Variants in DNAJC6 observed in about 807,000 individuals in gnomAD.
The protein encoded by DNAJC6 is DnaJ heat shock protein family (Hsp40) member C6.
A neutral mutation model predicts 110.0 loss-of-function variants in DNAJC6; 34 were observed. The ratio of observed to expected loss-of-function variants is 0.31; its 90% CI spans 0.24 to 0.41. The LOEUF (loss-of-function observed/expected upper bound fraction) is 0.41, where lower values mean the gene tolerates loss of function less well. Among genes scored for constraint, DNAJC6 ranks in the 10% least tolerant of loss-of-function variants. The pLI, the probability that DNAJC6 is intolerant of heterozygous loss-of-function variation, is 1.00. For missense variants in DNAJC6, 1,031 were observed against 1,207.8 expected, an observed-to-expected ratio of 0.85 and a Z score of 2.17; for synonymous variants, 406 against 437.2, an observed-to-expected ratio of 0.93 and a Z score of 0.89.
intron 1 of DNAJC6, among the ~76,000 whole-genome samples, chr1:65,284,969 T>G (rs942973255): frequency 6.6e-6 from 1 of 152,206 alleles, no homozygotes; most frequent in East Asian, 1.9e-4. Context: ...ATTACAGGCA[T>G]GAGCCACTGC....
At chr1:65,379,181 A>G (rs1645794458) in intron 4 of DNAJC6, among the ~76,000 whole-genome samples, 1 of 152,234 alleles carries the variant, frequency 6.6e-6, no homozygotes. Flanking sequence ...ATGTGCTTCA[A>G]AATGTGTTTT....
chr1:65,340,789 A>G (rs1245219189), intron 1 of DNAJC6, among the ~76,000 whole-genome samples: 1 of 152,182 alleles, frequency 6.6e-6, no homozygotes, highest in Non-Finnish European at 1.5e-5. Context: ...GTCCTCTGTC[A>G]CACAGTGTGG....
intron 1 of DNAJC6, among the ~76,000 whole-genome samples, chr1:65,319,167 T>C (rs538580610): frequency 2.0e-4 from 30 of 152,170 alleles, no homozygotes; most frequent in Non-Finnish European, 3.7e-4. Flanking sequence ...GAAGGTAGTA[T>C]TTCTAGTCTC....
intron 8 of DNAJC6, among the ~76,000 whole-genome samples, chr1:65,387,556 C>A (rs1645884988): frequency 6.6e-6 from 1 of 152,162 alleles, no homozygotes. Flanking sequence ...CAATATGTGG[C>A]CTTTTGAGGC....
intron 1 of DNAJC6, among the ~76,000 whole-genome samples, chr1:65,345,397 G>T (rs577365179): frequency 6.6e-6 from 1 of 151,982 alleles, no homozygotes; most frequent in Admixed American, 6.6e-5. Flanking sequence ...TTTAATCATC[G>T]TATACATGGG....
intron 4 of DNAJC6, among the ~76,000 whole-genome samples, chr1:65,375,145 G>A (rs1645749008): frequency 1.3e-5 from 2 of 151,806 alleles, no homozygotes; most frequent in South Asian, 4.2e-4. Context: ...TGTATTTTTG[G>A]TAGAGACGGG....
At chr1:65,306,317 G>C (rs1304886116), upstream of DNAJC6, 1 of 152,184 alleles carries the variant, frequency 6.6e-6, no homozygotes, top group African/African-American at 2.4e-5. Context: ...AAAGTGCCAG[G>C]ACCACAGGTG....
rs181060481 is a variant in DNAJC6, at chr1:65,413,754, C to T, written c.*729C>T. The T allele has an allele frequency of 9.7e-4, 148 of 152,312 alleles. 1 individual carries two copies. Among genetic ancestry groups the T allele is most frequent in the African/African-American group, 3.2e-3 (133 of 41,560 alleles). 9.4% of individuals were successfully genotyped at this position (152,312 alleles called of 1,614,324 possible). ...CTGGTTAGGAAGGTGGGCCGCTACCCTTCTTTCCCTTTAGAAAACTGTGAT... is the reference window on the plus strand; with the variant it reads ...CTGGTTAGGAAGGTGGGCCGCTACCTTTCTTTCCCTTTAGAAAACTGTGAT... On this transcript the variant is annotated 3_prime_UTR_variant, in exon 19 of 19. Transcript: ENST00000371069.
Position 65,345,706 on chromosome 1 carries a change from C to A in DNAJC6, c.194-18929C>A, listed in dbSNP as rs545889347. On this transcript the variant is annotated intron_variant, in intron 1 of 18. Coordinates refer to ENST00000371069, the MANE Select transcript of DNAJC6 (RefSeq NM_001256864.2). Reference sequence around the variant, plus strand: ...AGTCTGAAGAGAGGGTAGGAACCAACCTCCTACTACCCACCAGGTAAGGGT... The same window carrying A: ...AGTCTGAAGAGAGGGTAGGAACCAAACTCCTACTACCCACCAGGTAAGGGT... The A allele has an allele frequency of 1.3e-4, 128 of 982,714 alleles. No homozygotes were observed. The African/African-American group carries it at 2.2e-3, about 17-fold the overall frequency. 60.9% of individuals were successfully genotyped at this position (982,714 alleles called of 1,614,324 possible).
chr1:65,341,613 T>C (rs569134858), intron 1 of DNAJC6, among the ~76,000 whole-genome samples: 10 of 152,300 alleles, frequency 6.6e-5, no homozygotes, highest in African/African-American at 2.4e-4. Flanking sequence ...TTTCCAAGTC[T>C]GTAGAGTGGT....
chr1:65,384,102 C>T, intron 5 of DNAJC6, 91 bp from the exon 6 acceptor site: 1 of 1,326,060 alleles, frequency 7.5e-7, no homozygotes, highest in Non-Finnish European at 9.8e-7. Flanking sequence ...TTTCTCCTCT[C>T]TCTGTCTCTT....
chr1:65,401,832 C>G lies in DNAJC6; in HGVS notation c.2179C>G (p.Gln727Glu). ...TGSSHGTPTH[Q>E]SKPQTLDPFA... ...ATCCTCGCATGGTACTCCCACCCAT[C>G]AAAGCAAACCCCAGACTCTGGATCC... The change falls in exon 15 of 19, where the codon CAA becomes GAA. Residue 727 changes from glutamine to glutamate, a missense_variant. Coordinates refer to ENST00000371069, the MANE Select transcript of DNAJC6 (RefSeq NM_001256864.2). 9.9e-6 allele frequency: 16 copies of G among 1,613,928 alleles called. No individual in the cohort carries two copies. The highest frequency in any genetic ancestry group is 1.4e-5 in the Non-Finnish European group (16 of 1,179,946).
At position 65,309,811 on chromosome 1, in the gene DNAJC6, G is replaced by A. The variant is rs1297286892; in HGVS notation, c.66G>A (p.Val22=). 2 of 1,549,788 alleles carry A rather than the reference G, an allele frequency of 1.3e-6. No individual in the cohort carries two copies. The highest frequency in any genetic ancestry group is 1.7e-6 in the Non-Finnish European group (2 of 1,146,588). ...ATGGTTATGAATCTTTGCAGCTGGT[G>A]GACAGTAACGGGGACTTAAGTGCGG... The part of the protein sequence containing the change: ...SNDGYESLQL[V]DSNGDLSAGS... The change falls in exon 1 of 19, where the codon GTG becomes GTA. Residue 22 remains valine, a synonymous_variant. Coordinates refer to ENST00000371069, the MANE Select transcript of DNAJC6 (RefSeq NM_001256864.2).
intron 1 of DNAJC6, among the ~76,000 whole-genome samples, chr1:65,266,265 T>C (rs1231223338): frequency 9.3e-6 from 1 of 107,942 alleles, no homozygotes; most frequent in Non-Finnish European, 2.0e-5. Flanking sequence ...ATATTCAACA[T>C]TAGAAAAAGA....
At chr1:65,341,760 C>G (rs1570301177) in intron 1 of DNAJC6, among the ~76,000 whole-genome samples, 1 of 151,682 alleles carries the variant, frequency 6.6e-6, no homozygotes, top group East Asian at 1.9e-4. Context: ...TCAAAGACAG[C>G]AGCTATTGAC....
At position 65,413,770 on chromosome 1, in the gene DNAJC6, A is replaced by G. The variant is rs1646149175; in HGVS notation, c.*745A>G. ...GCCGCTACCCTTCTTTCCCTTTAGA[A>G]AACTGTGATTAATTAAATAAAAAGT... is the stretch of plus-strand genomic sequence containing the variant. On this transcript the variant is annotated 3_prime_UTR_variant, in exon 19 of 19. Coordinates refer to ENST00000371069, the MANE Select transcript of DNAJC6 (RefSeq NM_001256864.2). 1 of 152,232 alleles carries G rather than the reference A, an allele frequency of 6.6e-6. No individual in the cohort carries two copies. Among genetic ancestry groups the G allele is most frequent in the African/African-American group, 2.4e-5 (1 of 41,450 alleles). 9.4% of individuals were successfully genotyped at this position (152,232 alleles called of 1,614,324 possible).
chr1:65,299,804 C>A (rs1483612426), intron 1 of DNAJC6, among the ~76,000 whole-genome samples: 1 of 152,038 alleles, frequency 6.6e-6, no homozygotes, highest in Non-Finnish European at 1.5e-5. Context: ...AATCCCAGCA[C>A]TTTGGGAGGC....
chr1:65,285,180 A>G (rs528548223), intron 1 of DNAJC6, among the ~76,000 whole-genome samples: 44 of 152,322 alleles, frequency 2.9e-4, no homozygotes, highest in Non-Finnish European at 5.3e-4. Context: ...AACAGCAGCA[A>G]TTGCTCTTCT....
In DNAJC6 at chr1:65,337,478, T is replaced by C. The variant is rs181326175; in HGVS notation, c.194-27157T>C. 3.9e-5 allele frequency among the ~76,000 whole-genome samples: 6 copies of C among 152,250 alleles called. No homozygotes were observed. The East Asian group carries it at 1.2e-3, about 29-fold the overall frequency. ...CCTATCCTTCTCTGAGGGTGACTTA[T>C]GAAGCTTCTCTCTTTCTCTTTTTCT... On this transcript the variant is annotated intron_variant, in intron 1 of 18. Coordinates refer to ENST00000371069, the MANE Select transcript of DNAJC6 (RefSeq NM_001256864.2).
Sources: gnomAD v4.1 joint callset for allele counts (sites outside exome capture counted in the v4.1 genomes callset) on GRCh38, gnomAD v4.1.1 for gene constraint, MANE v1.5 for transcripts, NCBI Gene and HGNC (gene_info 2026-07-23, HGNC 2026-07-21) for gene names.